Variants in VSTM1 observed in about 807,000 individuals in gnomAD.
The protein encoded by VSTM1 is V-set and transmembrane domain containing 1.
VSTM1 carries 27 observed loss-of-function variants against 33.1 expected under a neutral mutation model. The observed-to-expected ratio is 0.82, with a 90% confidence interval of 0.60 to 1.12. VSTM1 has a LOEUF of 1.12. Ranked by LOEUF, VSTM1 falls within the 50% of genes most tolerant of loss-of-function variation. VSTM1 has a pLI of 0.00. For synonymous variants in VSTM1, 115 were observed against 110.3 expected (o/e 1.04, Z -0.27); for missense variants, 304 against 288.9 (o/e 1.05, Z -0.38).
rs955652996 is a variant in VSTM1, at chr19:54,063,836, C to A, written c.-59G>T. 1 of 1,591,456 alleles carries A rather than the reference C, an allele frequency of 6.3e-7. No homozygotes were observed. Among genetic ancestry groups the A allele is most frequent in the Admixed American group, 1.8e-5 (1 of 56,892 alleles). ...TGGGTTTTACCCTTCAAAGGCGGAGCGGGACTGGGCCGGCCGCAGCTCTCC... is the reference window on the plus strand; with the variant it reads ...TGGGTTTTACCCTTCAAAGGCGGAGAGGGACTGGGCCGGCCGCAGCTCTCC... On this transcript the variant is annotated 5_prime_UTR_variant, in exon 1 of 9. Transcript: ENST00000338372.
chr19:54,053,049 C>A (rs1342317663), intron 3 of VSTM1: 1 of 149,870 alleles, frequency 6.7e-6, no homozygotes, highest in Non-Finnish European at 1.4e-5. Flanking sequence ...ATGCCATCCT[C>A]CAGCTCAACT....
intron 3 of VSTM1, among the ~76,000 whole-genome samples, chr19:54,056,842 C>T (rs564501598): frequency 7.3e-6 from 1 of 136,876 alleles, no homozygotes; most frequent in African/African-American, 2.6e-5. Flanking sequence ...GAAGGTGTTG[C>T]ATCTATCCTT....
At chr19:54,052,217 T>C (rs909389245) in intron 3 of VSTM1, among the ~76,000 whole-genome samples, 2 of 149,370 alleles carry the variant, frequency 1.3e-5, no homozygotes, top group Non-Finnish European at 3.0e-5. Flanking sequence ...GCTAACATGG[T>C]GAAACCCCGT....
chr19:54,054,047 G>A lies in VSTM1; in HGVS notation c.356-2599C>T, dbSNP rs1483067479. 2.8e-5 allele frequency among the ~76,000 whole-genome samples: 4 copies of A among 141,412 alleles called. 1 individual carries two copies. The highest frequency in any genetic ancestry group is 6.2e-5 in the Non-Finnish European group (4 of 64,290). The allele number at this position is 141,412 out of a possible 152,430, so 92.8% of individuals were successfully genotyped here. ...TTTTTTGTAATGGAAGCATTTATATGCCCATTTTGTAATAAGTAAAAAGTA... is the reference window on the plus strand; with the variant it reads ...TTTTTTGTAATGGAAGCATTTATATACCCATTTTGTAATAAGTAAAAAGTA... On this transcript the variant is annotated intron_variant, in intron 3 of 8. Coordinates refer to ENST00000338372, the MANE Select transcript of VSTM1 (RefSeq NM_198481.4).
intron 6 of VSTM1, 24 bp from the exon 7 acceptor site, chr19:54,041,977 A>G: frequency 6.2e-7 from 1 of 1,614,090 alleles, no homozygotes; most frequent in East Asian, 2.2e-5. Context: ...ACACACGTGA[A>G]AGGATGGGAT....
intron 4 of VSTM1, among the ~76,000 whole-genome samples, chr19:54,046,562 G>C (rs186210739): frequency 7.8e-4 from 119 of 151,894 alleles, no homozygotes; most frequent in African/African-American, 2.5e-3. Flanking sequence ...ATCTCTCTCT[G>C]TAATAGATTC....
At chr19:54,051,224 G>A (rs1159357501) in intron 4 of VSTM1, among the ~76,000 whole-genome samples, 186 bp downstream of exon 4, 1 of 152,150 alleles carries the variant, frequency 6.6e-6, no homozygotes, top group South Asian at 2.1e-4. Context: ...TCCGGGAGGC[G>A]AAGGTTGCAG....
In VSTM1 at chr19:54,063,795, A is replaced by G; in HGVS notation, c.-18T>C. On this transcript the variant is annotated 5_prime_UTR_variant, in exon 1 of 9. Transcript: ENST00000338372. ...GCGGTCATAGCGTCCCTTCTGCCAG[A>G]ACCAAGGCCCCGCCTTGGGTTTTAC... 6.2e-7 allele frequency: 1 copy of G among 1,613,510 alleles called. No homozygotes were observed. Among genetic ancestry groups the G allele is most frequent in the East Asian group, 2.2e-5 (1 of 44,824 alleles).
At position 54,040,953 on chromosome 19, in the gene VSTM1, T is replaced by C. The variant is rs1334975744; in HGVS notation, c.*8A>G. Reference sequence around the variant, plus strand: ...CCCCCTCCTTTAGTGGCCAGGGCTGTCTTCTTGCTACACTTTCAGTGCCGC... The same window carrying C: ...CCCCCTCCTTTAGTGGCCAGGGCTGCCTTCTTGCTACACTTTCAGTGCCGC... On this transcript the variant is annotated 3_prime_UTR_variant, in exon 9 of 9. Transcript: ENST00000338372. The C allele has an allele frequency of 3.1e-6, 5 of 1,606,540 alleles. No individual in the cohort carries two copies. The highest frequency in any genetic ancestry group is 4.2e-6 in the Non-Finnish European group (5 of 1,176,644).
At chr19:54,058,860 TA>T (rs1168562588) in intron 1 of VSTM1, 128 bp from the exon 2 acceptor site, 1 of 403,916 alleles carries the variant, frequency 2.5e-6, no homozygotes, top group African/African-American at 2.1e-5. Context: ...ATATGTATTA[TA>T]TATAATAAAT....
At position 54,041,780 on chromosome 19, in the gene VSTM1, G is replaced by A. The variant is rs148134957; in HGVS notation, c.590C>T (p.Ser197Leu). 3.5e-4 allele frequency: 560 copies of A among 1,613,390 alleles called. 2 individuals are homozygous for A. The African/African-American group carries it at 7.0e-3, about 20-fold the overall frequency. The change falls in exon 8 of 9, where the codon TCG (serine) becomes TTG (leucine). Residue 197 changes from serine (S) to leucine (L), a missense_variant and splice_region_variant. Ser to Leu is a moderately radical substitution (Grantham distance 145). Transcript: ENST00000338372. ...GGACTCCTAAGCGGGAGGACTCACCGAGAGAGATACCCTTTCCATATTGGA... is the reference window on the plus strand; with the variant it reads ...GGACTCCTAAGCGGGAGGACTCACCAAGAGAGATACCCTTTCCATATTGGA... Reference protein sequence around the residue: ...DLSNMERVSLSTADPQGVTYA... With the variant: ...DLSNMERVSLLTADPQGVTYA...
chr19:54,061,387 A>C (rs1471473821), intron 1 of VSTM1, among the ~76,000 whole-genome samples: 1 of 152,170 alleles, frequency 6.6e-6, no homozygotes, highest in Non-Finnish European at 1.5e-5. Context: ...CCTTATTTGA[A>C]AATAGCATTG....
At chr19:54,052,923 A>T (rs148825612) in intron 3 of VSTM1, 9,630 of 153,256 alleles carry the variant, frequency 0.063, 1,282 homozygotes, top group Admixed American at 0.14. Flanking sequence ...TCAAGGCTGC[A>T]GTGAGCTGTG....
chr19:54,058,584 G>A lies in VSTM1; in HGVS notation c.77C>T (p.Pro26Leu), dbSNP rs186411018. The A allele has an allele frequency of 1.5e-5, 24 of 1,613,288 alleles. No individual in the cohort carries two copies. Among genetic ancestry groups the A allele is most frequent in the Middle Eastern group, 1.7e-4 (1 of 6,060 alleles). ...CCAGGCGTGGAGGGAGGGCTTGGGC[G>A]GTTTCTCTGGAAACAATTCAGAGTT... ...GYEDEKKNEK[P>L]PKPSLHAWPS... Residue 26 changes from proline (P) to leucine (L), a missense_variant, in exon 3 of 9, where the codon CCG (proline) becomes CTG (leucine). By Grantham distance (98) the Pro-to-Leu change is moderately conservative (BLOSUM62 -3). Transcript: ENST00000338372.
Position 54,040,943 on chromosome 19 carries a change from G to T in VSTM1, c.*18C>A, listed in dbSNP as rs373756909. The T allele has an allele frequency of 6.2e-6, 10 of 1,605,088 alleles. No individual in the cohort carries two copies. The African/African-American group carries it at 1.4e-4, about 22-fold the overall frequency. ...CAGCACGATCCCCCCTCCTTTAGTG[G>T]CCAGGGCTGTCTTCTTGCTACACTT... is the stretch of plus-strand genomic sequence containing the variant. On this transcript the variant is annotated 3_prime_UTR_variant, in exon 9 of 9. Transcript: ENST00000338372.
At chr19:54,048,335 T>C in intron 4 of VSTM1, 1 of 378,638 alleles carries the variant, frequency 2.6e-6, no homozygotes, top group South Asian at 1.8e-5. Context: ...AGGCTGGTCT[T>C]GAACCCCTGG....
rs2071509726 is a variant in VSTM1, at chr19:54,063,711, C to T, written c.34+33G>A. 5.6e-6 allele frequency: 9 copies of T among 1,613,256 alleles called. No individual in the cohort carries two copies. In the African/African-American group the frequency reaches 9.3e-5, roughly 17 times the overall value. On this transcript the variant is annotated intron_variant, in intron 1 of 8. Transcript: ENST00000338372. ...TCCCACATGAGTTTTTCTCACCAGC[C>T]CAAGCCCATTCGTCCCAGTCCTGGA... is the stretch of plus-strand genomic sequence containing the variant.
intron 1 of VSTM1, among the ~76,000 whole-genome samples, chr19:54,060,769 C>A (rs1426927590): frequency 6.6e-6 from 1 of 152,256 alleles, no homozygotes; most frequent in East Asian, 1.9e-4. Flanking sequence ...CAGCTCACTG[C>A]AGCCTCAACC....
intron 3 of VSTM1, among the ~76,000 whole-genome samples, chr19:54,056,012 A>G (rs1455826860): frequency 7.2e-6 from 1 of 139,684 alleles, no homozygotes; most frequent in African/African-American, 2.7e-5. Context: ...ACTTGTCCTC[A>G]AGGATGTCCC....
Sources: gnomAD v4.1 joint callset for allele counts (sites outside exome capture counted in the v4.1 genomes callset) on GRCh38, gnomAD v4.1.1 for gene constraint, MANE v1.5 for transcripts, NCBI Gene and HGNC (gene_info 2026-07-23, HGNC 2026-07-21) for gene names.